Variants in SQOR observed in about 807,000 individuals in gnomAD.
SQOR encodes sulfide:quinone oxidoreductase, mitochondrial.
A neutral mutation model predicts 48.6 loss-of-function variants in SQOR; 39 were observed. The observed-to-expected ratio is 0.80, with a 90% confidence interval of 0.62 to 1.05. The LOEUF (loss-of-function observed/expected upper bound fraction) is 1.05. Among genes scored for constraint, SQOR ranks in the 50% least tolerant of loss-of-function variants. The pLI, the probability that SQOR is intolerant of heterozygous loss-of-function variation, is 0.00. For missense variants in SQOR, 561 were observed against 559.9 expected, an observed-to-expected ratio of 1.00 and a Z score of -0.02; for synonymous variants, 220 against 206.2, an observed-to-expected ratio of 1.07 and a Z score of -0.57.
intron 5 of SQOR, among the ~76,000 whole-genome samples, chr15:45,675,436 C>T (rs1890019496): frequency 6.6e-6 from 1 of 151,716 alleles, no homozygotes; most frequent in Admixed American, 6.6e-5. Context: ...GCTCTGTCAC[C>T]CAGGCTGGAG....
At chr15:45,635,168 A>C (rs1420801638) in intron 1 of SQOR, 60 bp downstream of exon 1, 10 of 152,060 alleles carry the variant, frequency 6.6e-5, no homozygotes, top group Admixed American at 6.6e-4. Context: ...CTGGGCGGGG[A>C]CAGCGACCAC....
In SQOR at chr15:45,690,988, A is replaced by C. The variant is rs1890314147; in HGVS notation, c.1311A>C (p.Gly437=). Residue 437 remains glycine, a synonymous_variant, in exon 10 of 10, where the codon GGA becomes GGC. Coordinates refer to ENST00000260324, the MANE Select transcript of SQOR (RefSeq NM_021199.4). Reference sequence around the variant, plus strand: ...TTTCTTACAGGGGTTACTGGGGAGGACCAGCGTTTCTGCGCAAGTTGTTTC... The same window carrying C: ...TTTCTTACAGGGGTTACTGGGGAGGCCCAGCGTTTCTGCGCAAGTTGTTTC... ...WNMMLRGYWG[G]PAFLRKLFHL... 2 of 1,613,884 alleles carry C rather than the reference A, an allele frequency of 1.2e-6. No individual in the cohort carries two copies. The highest frequency in any genetic ancestry group is 1.3e-5 in the African/African-American group (1 of 74,852).
chr15:45,658,358 C>T (rs1459701469), intron 1 of SQOR, among the ~76,000 whole-genome samples: 1 of 152,216 alleles, frequency 6.6e-6, no homozygotes, highest in East Asian at 1.9e-4. Context: ...GGGGCTGAGG[C>T]CTTGATTGCC....
At chr15:45,651,045 G>C (rs1215808907) in intron 1 of SQOR, among the ~76,000 whole-genome samples, 4 of 152,200 alleles carry the variant, frequency 2.6e-5, no homozygotes, top group African/African-American at 9.7e-5. Flanking sequence ...CAATGGGACA[G>C]GGCATCACAG....
At chr15:45,638,238 T>C (rs1381625938) in intron 1 of SQOR, among the ~76,000 whole-genome samples, 2 of 152,226 alleles carry the variant, frequency 1.3e-5, no homozygotes. Flanking sequence ...TGTTATGGAC[T>C]CACCAAATTC....
At chr15:45,682,341 G>A in intron 6 of SQOR, 137 bp from the exon 7 acceptor site, 2 of 833,462 alleles carry the variant, frequency 2.4e-6, no homozygotes, top group South Asian at 3.5e-5. Context: ...AGAGGGCGTG[G>A]ACTGGTACAA....
chr15:45,659,267 A>T, intron 2 of SQOR, 110 bp downstream of exon 2: 3 of 920,226 alleles, frequency 3.3e-6, no homozygotes, highest in Non-Finnish European at 4.7e-6. Flanking sequence ...ATGGGTCTTC[A>T]TATGTTCAGG....
chr15:45,673,947 T>G lies in SQOR; in HGVS notation c.654+146T>G, dbSNP rs888418679. On this transcript the variant is annotated intron_variant, in intron 5 of 9. Transcript: ENST00000260324. Reference sequence around the variant, plus strand: ...GTACAAAATTAGTTAACTGGAAGTTTATAAAATATAAAAGAGGAGAAAATC... The same window carrying G: ...GTACAAAATTAGTTAACTGGAAGTTGATAAAATATAAAAGAGGAGAAAATC... 6.7e-6 allele frequency: 5 copies of G among 748,814 alleles called. No homozygotes were observed. In the African/African-American group the frequency reaches 8.9e-5, roughly 13 times the overall value. 46.4% of individuals were successfully genotyped at this position (748,814 alleles called of 1,614,324 possible).
At chr15:45,659,628 T>C (rs1284163258) in intron 2 of SQOR, among the ~76,000 whole-genome samples, 1 of 152,170 alleles carries the variant, frequency 6.6e-6, no homozygotes, top group Non-Finnish European at 1.5e-5. Flanking sequence ...GTGCCACTCC[T>C]TTCTCTGCCT....
At chr15:45,666,165 C>G (rs1176779244) in intron 3 of SQOR, among the ~76,000 whole-genome samples, 1 of 152,208 alleles carries the variant, frequency 6.6e-6, no homozygotes, top group Non-Finnish European at 1.5e-5. Flanking sequence ...GCTGCTTCCA[C>G]CTCTATCCCT....
At chr15:45,660,264 A>G (rs8037147) in intron 2 of SQOR, among the ~76,000 whole-genome samples, 19,958 of 152,128 alleles carry the variant, frequency 0.13, 1,390 homozygotes, top group South Asian at 0.18. Context: ...ACTCCTTTTC[A>G]AGATTTGTCC....
In SQOR at chr15:45,669,837, G is replaced by T. The variant is rs1352966487; in HGVS notation, c.406-91G>T. 4.6e-6 allele frequency: 5 copies of T among 1,075,660 alleles called. No individual in the cohort carries two copies. The South Asian group carries it at 6.3e-5, about 14-fold the overall frequency. 66.6% of individuals were successfully genotyped at this position (1,075,660 alleles called of 1,614,324 possible). ...TAATAATATTTCCCTGCCTCCCTTA[G>T]ACCACATGGAACCACATCTGGGGCC... On this transcript the variant is annotated intron_variant, in intron 3 of 9. Transcript: ENST00000260324.
chr15:45,660,419 T>A (rs1428717455), intron 2 of SQOR, among the ~76,000 whole-genome samples: 1 of 152,220 alleles, frequency 6.6e-6, no homozygotes, highest in Non-Finnish European at 1.5e-5. Context: ...GTCAGGTGGC[T>A]ACTGTTTCTG....
intron 1 of SQOR, among the ~76,000 whole-genome samples, chr15:45,655,011 CA>C (rs1336730487): frequency 6.6e-6 from 1 of 152,146 alleles, no homozygotes; most frequent in Non-Finnish European, 1.5e-5. Flanking sequence ...ATGGAGCCGC[CA>C]TCTTGAACAT....
At chr15:45,689,256 T>C (rs779797968) in intron 9 of SQOR, 39 bp downstream of exon 9, 6 of 1,602,430 alleles carry the variant, frequency 3.7e-6, no homozygotes, top group Non-Finnish European at 5.1e-6. Flanking sequence ...GGAAAGGGAT[T>C]TGTAGCACAT....
intron 1 of SQOR, among the ~76,000 whole-genome samples, chr15:45,643,969 C>G (rs1054177588): frequency 1.1e-4 from 16 of 152,282 alleles, no homozygotes; most frequent in African/African-American, 3.8e-4. Context: ...CAAACTGTAG[C>G]TATGTTATTT....
At chr15:45,634,282 TTTTG>T (rs1313477628), upstream of SQOR, among the ~76,000 whole-genome samples, 7 of 142,898 alleles carry the variant, frequency 4.9e-5, no homozygotes, top group Admixed American at 7.2e-5. Context: ...AAGGGTTTAT[TTTTG>T]TTTGTTTTTT....
Position 45,658,974 on chromosome 15 carries a change from C to T in SQOR, c.51C>T (p.Ala17=). ...VVSGPRAQLF[A]CLLRLGTQQV... ...CAGGGCCCCGTGCCCAGCTCTTTGC[C>T]TGCCTGCTCAGGCTGGGCACTCAGC... Residue 17 remains alanine (A), a synonymous_variant, in exon 2 of 10, where the codon GCC becomes GCT. Coordinates refer to ENST00000260324, the MANE Select transcript of SQOR (RefSeq NM_021199.4). 2 of 1,595,610 alleles carry T rather than the reference C, an allele frequency of 1.3e-6. No homozygotes were observed. The highest frequency in any genetic ancestry group is 1.7e-6 in the Non-Finnish European group (2 of 1,169,322).
chr15:45,662,225 A>G, intron 3 of SQOR, 100 bp downstream of exon 3: 1 of 1,292,376 alleles, frequency 7.7e-7, no homozygotes, highest in Non-Finnish European at 1.1e-6. Context: ...AGCGGTATAT[A>G]TGCATGTGTG....
Sources: allele counts gnomAD v4.1 joint callset (sites outside exome capture counted in the v4.1 genomes callset), GRCh38; gene constraint gnomAD v4.1.1; transcripts MANE v1.5; gene names NCBI Gene and HGNC (gene_info 2026-07-23, HGNC 2026-07-21).